The following FHIT variants were observed in gnomAD, a reference collection of about 807,000 sequenced individuals.
FHIT encodes the protein fragile histidine triad diadenosine triphosphatase, also known as bis(5'-adenosyl)-triphosphatase.
Under a neutral mutation model 17.9 loss-of-function variants are expected in FHIT, and 19 were observed. The observed-to-expected ratio is 1.06, with a 90% confidence interval of 0.74 to 1.56. The LOEUF is 1.56. Ranked by LOEUF, FHIT falls within the 40% of genes most tolerant of loss-of-function variation. The pLI is 0.00. For synonymous variants in FHIT, 81 were observed against 69.7 expected (o/e 1.16, Z -0.81); for missense variants, 248 against 189.2 (o/e 1.31, Z -1.82).
At chr3:60,923,050 T>G (rs530569784) in intron 3 of FHIT, among the ~76,000 whole-genome samples, 19 of 152,316 alleles carry the variant, frequency 1.2e-4, no homozygotes, top group African/African-American at 4.3e-4. Context: ...TCAACTAGTG[T>G]GGTAGATTTA....
At chr3:61,002,364 G>A (rs553556236) in intron 3 of FHIT, among the ~76,000 whole-genome samples, 1 of 152,300 alleles carries the variant, frequency 6.6e-6, no homozygotes, top group Admixed American at 6.5e-5. Flanking sequence ...CTGGGTTCAA[G>A]CAGTTCTCCC....
intron 4 of FHIT, among the ~76,000 whole-genome samples, chr3:60,713,921 T>A (rs1464603186): frequency 6.6e-6 from 1 of 151,734 alleles, no homozygotes. Context: ...GAATCCTCCC[T>A]AACTCATTTT....
At chr3:60,857,047 C>G (rs571925009) in intron 3 of FHIT, among the ~76,000 whole-genome samples, 1 of 152,214 alleles carries the variant, frequency 6.6e-6, no homozygotes, top group South Asian at 2.1e-4. Flanking sequence ...GATTGACTCT[C>G]TTCTCCTTTA....
At chr3:60,757,923 C>T (rs542974081) in intron 4 of FHIT, among the ~76,000 whole-genome samples, 2 of 152,254 alleles carry the variant, frequency 1.3e-5, no homozygotes, top group East Asian at 3.9e-4. Context: ...CTGCCATTAC[C>T]CTCTGGATCT....
intron 5 of FHIT, among the ~76,000 whole-genome samples, chr3:60,248,853 G>C (rs963471730): frequency 1.3e-5 from 2 of 152,074 alleles, no homozygotes; most frequent in Non-Finnish European, 2.9e-5. Context: ...CAATACAGAA[G>C]ATGTCCTCTT....
intron 5 of FHIT, among the ~76,000 whole-genome samples, chr3:60,354,918 C>T (rs17606882): frequency 0.11 from 16,953 of 152,110 alleles, 1,217 homozygotes; most frequent in Non-Finnish European, 0.16. Flanking sequence ...CTTTTCACTC[C>T]GGGAGTCTGT....
At chr3:60,714,112 TGCAAGGCTGGTTCAATATAC>T (rs1260846125) in intron 4 of FHIT, among the ~76,000 whole-genome samples, 7 of 152,230 alleles carry the variant, frequency 4.6e-5, no homozygotes, top group African/African-American at 1.7e-4. Flanking sequence ...ATCCCTGGGA[TGCAAGGCTGGTTCAATATAC>T]GCAAATCAAT....
At chr3:60,471,589 C>T (rs373482091) in intron 5 of FHIT, among the ~76,000 whole-genome samples, 104 of 152,286 alleles carry the variant, frequency 6.8e-4, no homozygotes, top group African/African-American at 2.3e-3. Context: ...AGGAGAATGG[C>T]GGAATGGTGA....
intron 4 of FHIT, among the ~76,000 whole-genome samples, chr3:60,662,739 A>G (rs560031996): frequency 1.3e-5 from 2 of 151,970 alleles, no homozygotes; most frequent in African/African-American, 4.8e-5. Flanking sequence ...AGTGTTTTGT[A>G]GTTTTCCTTG....
rs957049539 is a variant in FHIT, at chr3:59,756,726, A to G, written c.349-4405T>C. On this transcript the variant is annotated intron_variant, in intron 8 of 9. Transcript: ENST00000492590. ...AAAGTTGCCTGGCTGTGAATCCTGGAAAAAACAGAGGGGATCATGTGCAGG... is the reference window on the plus strand; with the variant it reads ...AAAGTTGCCTGGCTGTGAATCCTGGGAAAAACAGAGGGGATCATGTGCAGG... Among the ~76,000 whole-genome samples the G allele has an allele frequency of 7.2e-5, 11 of 152,266 alleles. No homozygotes were observed. The East Asian group carries it at 2.1e-3, about 29-fold the overall frequency.
At chr3:60,215,154 C>A (rs923259054) in intron 5 of FHIT, among the ~76,000 whole-genome samples, 1 of 151,704 alleles carries the variant, frequency 6.6e-6, no homozygotes, top group Non-Finnish European at 1.5e-5. Context: ...TGGATGCACA[C>A]CCCTGGAATC....
chr3:60,990,582 A>G (rs1389322478), intron 3 of FHIT, among the ~76,000 whole-genome samples: 1 of 152,226 alleles, frequency 6.6e-6, no homozygotes, highest in East Asian at 1.9e-4. Flanking sequence ...CCATTCTAGT[A>G]TTTTTATAAT....
chr3:60,582,749 G>A (rs200621632), intron 4 of FHIT, among the ~76,000 whole-genome samples: 138 of 152,070 alleles, frequency 9.1e-4, no homozygotes, highest in African/African-American at 3.2e-3. Context: ...AAGACCCTGG[G>A]GTGTACAAAC....
At chr3:60,212,246 C>A (rs553749341) in intron 5 of FHIT, among the ~76,000 whole-genome samples, 1 of 152,290 alleles carries the variant, frequency 6.6e-6, no homozygotes, top group Admixed American at 6.5e-5. Context: ...AAAACAAGGA[C>A]TGGCTCCAGT....
At chr3:59,979,814 T>C (rs925011675) in intron 7 of FHIT, among the ~76,000 whole-genome samples, 1 of 152,086 alleles carries the variant, frequency 6.6e-6, no homozygotes, top group Admixed American at 6.6e-5. Flanking sequence ...ACTGTGAAAC[T>C]GAGCGTCACC....
intron 4 of FHIT, among the ~76,000 whole-genome samples, chr3:60,739,478 G>A (rs1553713465): frequency 6.6e-6 from 1 of 152,196 alleles, no homozygotes; most frequent in Non-Finnish European, 1.5e-5. Flanking sequence ...CATGGTGGTT[G>A]AACAGAGAGC....
At chr3:60,616,435 T>A (rs571897111) in intron 4 of FHIT, among the ~76,000 whole-genome samples, 8 of 152,284 alleles carry the variant, frequency 5.3e-5, no homozygotes, top group East Asian at 1.9e-4. Context: ...TTTTTTAAAA[T>A]TTTTTTAATT....
intron 2 of FHIT, among the ~76,000 whole-genome samples, chr3:61,104,246 T>C (rs2035926165): frequency 6.6e-6 from 1 of 152,224 alleles, no homozygotes; most frequent in South Asian, 2.1e-4. Flanking sequence ...TCAGGAGATC[T>C]TGTAAGGCAG....
At chr3:60,517,705 A>G (rs17063416) in intron 5 of FHIT, among the ~76,000 whole-genome samples, 20,937 of 152,258 alleles carry the variant, frequency 0.14, 1,538 homozygotes, top group South Asian at 0.24. Context: ...AGTACATTTC[A>G]TGACTCAGAA....
Sources: gnomAD v4.1 joint callset for allele counts (sites outside exome capture counted in the v4.1 genomes callset) on GRCh38, gnomAD v4.1.1 for gene constraint, MANE v1.5 for transcripts, NCBI Gene and HGNC (gene_info 2026-07-23, HGNC 2026-07-21) for gene names.